Variants in MANBA observed in about 807,000 individuals in gnomAD.
MANBA encodes beta-mannosidase.
MANBA carries 83 observed loss-of-function variants against 111.1 expected under a neutral mutation model. That is an observed-to-expected ratio of 0.75 (90% confidence interval 0.63 to 0.90). MANBA has a LOEUF of 0.90. Ranked by LOEUF, MANBA falls within the 40% of genes least tolerant of loss-of-function variation. MANBA has a pLI of 0.00. For synonymous variants in MANBA, 370 were observed against 378.7 expected (o/e 0.98, Z 0.27); for missense variants, 1,036 against 1,069.0 (o/e 0.97, Z 0.43).
At position 102,635,998 on chromosome 4, in the gene MANBA, C is replaced by A. The variant is rs1419325146; in HGVS notation, c.2024G>T (p.Gly675Val). ...APSWASLEYG[G>V]KWKMLHYFAQ... ...AAAGTAATGAAGCATTTTCCACTTT[C>A]CTCCGTACTCTGAAAATAATCAAGA... The change falls in exon 15 of 17, where the codon GGA (glycine) becomes GTA (valine). Residue 675 changes from glycine to valine, a missense_variant. Coordinates refer to ENST00000647097, the MANE Select transcript of MANBA (RefSeq NM_005908.4). 2.5e-6 allele frequency: 4 copies of A among 1,613,536 alleles called. No homozygotes were observed. The highest frequency in any genetic ancestry group is 3.4e-6 in the Non-Finnish European group (4 of 1,179,612).
In MANBA at chr4:102,747,657, C is replaced by A. The variant is rs1329101348; in HGVS notation, c.177+13061G>T. 3.3e-5 allele frequency among the ~76,000 whole-genome samples: 5 copies of A among 152,222 alleles called. No individual in the cohort carries two copies. The East Asian group carries it at 9.6e-4, about 29-fold the overall frequency. On this transcript the variant is annotated intron_variant, in intron 1 of 16. Transcript: ENST00000647097. ...TATGATTCTTACTTCAAAGGGTACACAGGTACAAGAGATCCCCAGCCCACG... is the reference window on the plus strand; with the variant it reads ...TATGATTCTTACTTCAAAGGGTACAAAGGTACAAGAGATCCCCAGCCCACG...
chr4:102,693,085 G>C (rs1392285502), intron 5 of MANBA, among the ~76,000 whole-genome samples: 2 of 152,134 alleles, frequency 1.3e-5, no homozygotes, highest in Non-Finnish European at 2.9e-5. Context: ...GATTTATTCT[G>C]AGAAATACTA....
At chr4:102,635,321 C>T (rs1379163763) in intron 15 of MANBA, among the ~76,000 whole-genome samples, 2 of 152,166 alleles carry the variant, frequency 1.3e-5, no homozygotes, top group African/African-American at 4.8e-5. Flanking sequence ...GTACCTGGTG[C>T]GTTGTAATTT....
At chr4:102,744,177 T>C (rs1723508460) in intron 1 of MANBA, among the ~76,000 whole-genome samples, 2 of 152,248 alleles carry the variant, frequency 1.3e-5, no homozygotes, top group African/African-American at 4.8e-5. Context: ...GTTGTGCCTC[T>C]TTCTTGGTTG....
chr4:102,760,936 C>T lies in MANBA; in HGVS notation c.-42G>A. 1 of 1,532,984 alleles carries T rather than the reference C, an allele frequency of 6.5e-7. No homozygotes were observed. The highest frequency in any genetic ancestry group is 8.8e-7 in the Non-Finnish European group (1 of 1,141,714). 95.0% of individuals were successfully genotyped at this position (1,532,984 alleles called of 1,614,324 possible). On this transcript the variant is annotated 5_prime_UTR_variant, in exon 1 of 17. Transcript: ENST00000647097. ...ACCGAGATGTGGAGAGATCGAAAGG[C>T]AGCGCTGCAAGGGACCGGCGGTGAA...
At chr4:102,635,257 C>T (rs1445037061) in intron 15 of MANBA, among the ~76,000 whole-genome samples, 1 of 152,090 alleles carries the variant, frequency 6.6e-6, no homozygotes, top group African/African-American at 2.4e-5. Context: ...AAAATAACAG[C>T]AGTAATGTCA....
chr4:102,690,980 G>A lies in MANBA; in HGVS notation c.674-209C>T, dbSNP rs227371. On this transcript the variant is annotated intron_variant, in intron 5 of 16. Transcript: ENST00000647097. ...ATTCTGAAGAAGAATAACAAAAATG[G>A]TATATTTTACATAGACTTCCACTCT... 0.6 allele frequency: 106,278 copies of A among 175,764 alleles called. 33,203 individuals are homozygous for A. Among genetic ancestry groups the A allele is most frequent in the South Asian group, 0.8 (4,044 of 5,066 alleles). The allele number at this position is 175,764 out of a possible 1,614,324, so 10.9% of individuals were successfully genotyped here. A position where few individuals can be genotyped will look rare whatever the true frequency, so the allele number is the denominator to read the frequency against.
At chr4:102,657,545 A>G (rs968244125) in intron 12 of MANBA, 137 bp downstream of exon 12, 3 of 746,122 alleles carry the variant, frequency 4.0e-6, no homozygotes, top group Non-Finnish European at 6.6e-6. Context: ...TAAAAAAATT[A>G]TTTTCCTCCA....
In MANBA at chr4:102,674,011, A is replaced by G. The variant is rs777326676; in HGVS notation, c.1020T>C (p.Ser340=). Residue 340 remains serine (S), a synonymous_variant, in exon 8 of 17, where the codon AGT becomes AGC. Transcript: ENST00000647097. The part of the protein sequence containing the change: ...EEPIKGSPGL[S]FYFKINGFPI... ...GAAATCCATTAATTTTGAAATAGAA[A>G]CTCAAACCAGGAGACCCTTTTATAG... 1.9e-6 allele frequency: 3 copies of G among 1,606,900 alleles called. No homozygotes were observed. Among genetic ancestry groups the G allele is most frequent in the Admixed American group, 3.3e-5 (2 of 60,010 alleles).
chr4:102,635,139 C>T, intron 15 of MANBA, 94 bp from the exon 16 acceptor site: 1 of 1,422,832 alleles, frequency 7.0e-7, no homozygotes, highest in South Asian at 1.2e-5. Flanking sequence ...GTCAGGTTAG[C>T]AGAAATGGTT....
chr4:102,701,646 T>G (rs1733052225), intron 5 of MANBA, among the ~76,000 whole-genome samples: 1 of 150,130 alleles, frequency 6.7e-6, no homozygotes. Context: ...TATGAAATTC[T>G]GGGTTGAAAA....
chr4:102,684,272 A>G (rs1205534869), intron 7 of MANBA, among the ~76,000 whole-genome samples: 1 of 152,188 alleles, frequency 6.6e-6, no homozygotes, highest in Non-Finnish European at 1.5e-5. Flanking sequence ...AGAGCAATAG[A>G]GGTGAAATAA....
At chr4:102,650,762 A>G in intron 12 of MANBA, 61 bp from the exon 13 acceptor site, 1 of 1,378,204 alleles carries the variant, frequency 7.3e-7, no homozygotes, top group Non-Finnish European at 1.0e-6. Flanking sequence ...ACTTTTCTAT[A>G]AGTTCCTGAC....
At chr4:102,697,462 T>TG (rs1732773357) in intron 5 of MANBA, among the ~76,000 whole-genome samples, 1 of 151,634 alleles carries the variant, frequency 6.6e-6, no homozygotes, top group Non-Finnish European at 1.5e-5. Flanking sequence ...CCCACTAAAC[T>TG]TGTCATCTAT....
chr4:102,706,491 GA>G (rs1469724035), intron 5 of MANBA, among the ~76,000 whole-genome samples: 1 of 152,132 alleles, frequency 6.6e-6, no homozygotes. Flanking sequence ...AAAAAAATTA[GA>G]AGAAGTGGTT....
At chr4:102,705,176 G>A (rs1733240499) in intron 5 of MANBA, among the ~76,000 whole-genome samples, 1 of 152,168 alleles carries the variant, frequency 6.6e-6, no homozygotes, top group African/African-American at 2.4e-5. Flanking sequence ...CTGGGAGAAG[G>A]TAAGTGAGTG....
At position 102,702,951 on chromosome 4, in the gene MANBA, G is replaced by A. The variant is rs111995691; in HGVS notation, c.673+11487C>T. Among the ~76,000 whole-genome samples the A allele has an allele frequency of 4.8e-3, 724 of 152,292 alleles. 6 individuals are homozygous for A. Among genetic ancestry groups the A allele is most frequent in the African/African-American group, 0.017 (693 of 41,546 alleles). On this transcript the variant is annotated intron_variant, in intron 5 of 16. Coordinates refer to ENST00000647097, the MANE Select transcript of MANBA (RefSeq NM_005908.4). ...AGGCTTTCATATCAAGTTAGCTGAA[G>A]TTACTAGACTAAATTAGTTTGTTTT... is the stretch of plus-strand genomic sequence containing the variant.
At chr4:102,733,491 C>CTA (rs1477801649) in intron 1 of MANBA, among the ~76,000 whole-genome samples, 2 of 152,052 alleles carry the variant, frequency 1.3e-5, no homozygotes, top group Non-Finnish European at 2.9e-5. Context: ...GGAGCTGGGG[C>CTA]TACAGATGTA....
chr4:102,642,870 T>C (rs1396449024), intron 13 of MANBA, among the ~76,000 whole-genome samples: 1 of 152,206 alleles, frequency 6.6e-6, no homozygotes, highest in Non-Finnish European at 1.5e-5. Context: ...AGTAGCCATG[T>C]GACTAAGTTC....
Sources: gnomAD v4.1 joint callset for allele counts (sites outside exome capture counted in the v4.1 genomes callset) on GRCh38, gnomAD v4.1.1 for gene constraint, MANE v1.5 for transcripts, NCBI Gene and HGNC (gene_info 2026-07-23, HGNC 2026-07-21) for gene names.